The following UBR2 variants were observed in gnomAD, a reference collection of about 807,000 sequenced individuals.
The protein encoded by UBR2 is E3 ubiquitin-protein ligase UBR2.
In UBR2, 92 loss-of-function variants were observed where a neutral mutation model predicts 247.9. The ratio of observed to expected loss-of-function variants is 0.37; its 90% CI spans 0.31 to 0.44. UBR2 has a LOEUF of 0.44. UBR2 is among the 20% of genes least tolerant of loss of function. UBR2 has a pLI of 1.00. For synonymous variants in UBR2, 672 were observed against 693.5 expected (o/e 0.97, Z 0.49); for missense variants, 1,613 against 2,112.6 (o/e 0.76, Z 4.64).
intron 33 of UBR2, 78 bp downstream of exon 33, chr6:42,665,590 T>A: frequency 2.6e-6 from 3 of 1,172,876 alleles, no homozygotes; most frequent in Non-Finnish European, 3.6e-6. Flanking sequence ...AGAAGTTGTT[T>A]AAAAGTGAAA....
At chr6:42,565,007 AGTC>A (rs1384570657) in intron 1 of UBR2, among the ~76,000 whole-genome samples, 1 of 152,166 alleles carries the variant, frequency 6.6e-6, no homozygotes. Context: ...ATGAGAAAGT[AGTC>A]GTGGAGTCTG....
chr6:42,634,063 T>G (rs964758032), intron 13 of UBR2, among the ~76,000 whole-genome samples: 1 of 151,034 alleles, frequency 6.6e-6, no homozygotes, highest in African/African-American at 2.5e-5. Context: ...ACTAATGTTC[T>G]TTCTTTAGAG....
At chr6:42,686,849 G>A (rs1448861628) in intron 44 of UBR2, among the ~76,000 whole-genome samples, 3 of 151,872 alleles carry the variant, frequency 2.0e-5, no homozygotes, top group Non-Finnish European at 2.9e-5. Flanking sequence ...TTCTCAGACG[G>A]GGCAGCCGGT....
In UBR2 at chr6:42,642,447, G is replaced by A. The variant is rs762077600; in HGVS notation, c.2063G>A (p.Arg688His). 18 of 1,610,710 alleles carry A rather than the reference G, an allele frequency of 1.1e-5. No homozygotes were observed. Among genetic ancestry groups the A allele is most frequent in the South Asian group, 3.3e-5 (3 of 90,880 alleles). The change falls in exon 18 of 47, where the codon CGT becomes CAT. Residue 688 changes from arginine to histidine, a missense_variant. This residue lies in a region of UBR2 where 1,524 missense variants were observed against 1,967.3 expected (regional missense o/e 0.77). Coordinates refer to ENST00000372901, the MANE Select transcript of UBR2 (RefSeq NM_001363705.2). ...IYYYHNVKCR[R>H]EMFDKDVVML... is the part of the protein sequence containing the mutation. Reference sequence around the variant, plus strand: ...TACTACCATAATGTGAAATGCAGACGTGAGATGTTTGACAAGGATGTAGTA... The same window carrying A: ...TACTACCATAATGTGAAATGCAGACATGAGATGTTTGACAAGGATGTAGTA...
At chr6:42,686,306 A>G (rs1380352722) in intron 44 of UBR2, among the ~76,000 whole-genome samples, 1 of 151,788 alleles carries the variant, frequency 6.6e-6, no homozygotes, top group African/African-American at 2.4e-5. Flanking sequence ...GCCTTCAAGC[A>G]TCTGTTTAAC....
intron 25 of UBR2, among the ~76,000 whole-genome samples, chr6:42,654,318 A>G (rs192972255): frequency 1.3e-5 from 2 of 152,320 alleles, no homozygotes; most frequent in East Asian, 3.9e-4. Context: ...AACAATATTT[A>G]CCTTACATGT....
rs1444017369 is a variant in UBR2 at position 42,619,424 on chromosome 6, TATATATATATATATATATATATATATA to T, written c.1281+1918_1281+1944del. ...CTCTCGTTATGAACATATATATATA[TATATATATATATATATATATATATATA>T]TATTTTTTTTTTTTAGTTCTCTATC... On this transcript the variant is annotated intron_variant, in intron 11 of 46. Transcript: ENST00000372901. 13 of 13,146 alleles carry T rather than the reference TATATATATATATATATATATATATATA, an allele frequency of 9.9e-4. 2 individuals are homozygous for T. The highest frequency in any genetic ancestry group is 1.8e-3 in the Non-Finnish European group (12 of 6,822). 0.8% of individuals were successfully genotyped at this position (13,146 alleles called of 1,614,324 possible).
intron 1 of UBR2, 51 bp downstream of exon 1, chr6:42,564,448 G>T: frequency 6.3e-7 from 1 of 1,578,166 alleles, no homozygotes; most frequent in Non-Finnish European, 8.6e-7. Context: ...GGCCGCGCCT[G>T]TGGGGAGGAA....
At chr6:42,644,404 T>G in intron 19 of UBR2, 68 bp downstream of exon 19, 1 of 1,606,114 alleles carries the variant, frequency 6.2e-7, no homozygotes, top group Non-Finnish European at 8.5e-7. Flanking sequence ...TTTGGATATG[T>G]TAATCCTCTG....
intron 7 of UBR2, 46 bp downstream of exon 7, chr6:42,606,697 A>C (rs770572161): frequency 2.0e-5 from 29 of 1,472,814 alleles, no homozygotes; most frequent in Non-Finnish European, 2.5e-5. Flanking sequence ...ATTAGTTTAA[A>C]ACTAGCTTCA....
chr6:42,622,322 A>G lies in UBR2; in HGVS notation c.1281+4815A>G, dbSNP rs188873321. On this transcript the variant is annotated intron_variant, in intron 11 of 46. Transcript: ENST00000372901. ...GCGTGAGCCACTGCGCCTGGCCCCC[A>G]TTCTTCTTTTGTTAGATTTATTTCT... Among the ~76,000 whole-genome samples the G allele has an allele frequency of 9.2e-3, 1,351 of 146,330 alleles. 14 individuals carry two copies. Among genetic ancestry groups the G allele is most frequent in the Non-Finnish European group, 0.015 (992 of 66,298 alleles).
rs1463313337 is a variant in UBR2, at chr6:42,637,081, A to G, written c.1745A>G (p.Asp582Gly). The change falls in exon 15 of 47, where the codon GAT becomes GGT. Residue 582 changes from aspartate (D) to glycine (G), a missense_variant. Around this residue, in one of 3 missense-constraint regions of UBR2, gnomAD observed 1,524 missense variants for 1,967.3 expected, o/e 0.77. Coordinates refer to ENST00000372901, the MANE Select transcript of UBR2 (RefSeq NM_001363705.2). Reference protein sequence around the residue: ...VLMQCHGGYTDGEQPITLSIC... With the variant: ...VLMQCHGGYTGGEQPITLSIC... ...ATGCAGTGTCATGGTGGTTATACTG[A>G]TGGTGAACAGCCAATCACACTAAGC... 8.1e-6 allele frequency: 13 copies of G among 1,614,034 alleles called. No individual in the cohort carries two copies. Among genetic ancestry groups the G allele is most frequent in the Non-Finnish European group, 1.1e-5 (13 of 1,180,026 alleles).
chr6:42,566,442 T>C, intron 1 of UBR2, among the ~76,000 whole-genome samples: 1 of 152,224 alleles, frequency 6.6e-6, no homozygotes, highest in Non-Finnish European at 1.5e-5. Context: ...TGGAGTGCAA[T>C]GGCGCAATCT....
intron 42 of UBR2, 35 bp downstream of exon 42, chr6:42,679,867 TAGCTCTA>T (rs765413777): frequency 1.3e-6 from 2 of 1,497,782 alleles, no homozygotes; most frequent in Admixed American, 3.7e-5. Context: ...TTGTATTAAA[TAGCTCTA>T]TGGAACCAAA....
At chr6:42,598,843 A>G (rs1656029088) in intron 4 of UBR2, among the ~76,000 whole-genome samples, 3 of 152,230 alleles carry the variant, frequency 2.0e-5, no homozygotes. Context: ...ATCTATATAT[A>G]GATGTTACCT....
chr6:42,680,980 G>A (rs1338451947), intron 42 of UBR2, among the ~76,000 whole-genome samples: 6 of 152,006 alleles, frequency 3.9e-5, no homozygotes, highest in Admixed American at 1.3e-4. Context: ...TGGCTAACAC[G>A]ATGAAACCCC....
chr6:42,608,330 A>C (rs777696130), intron 7 of UBR2, among the ~76,000 whole-genome samples: 1 of 152,308 alleles, frequency 6.6e-6, no homozygotes, highest in African/African-American at 2.4e-5. Context: ...AAATTTTGCC[A>C]ATCTGGGCCA....
At position 42,676,137 on chromosome 6, in the gene UBR2, T is replaced by C. The variant is rs144563592; in HGVS notation, c.4333T>C (p.Phe1445Leu). 13 of 1,613,696 alleles carry C rather than the reference T, an allele frequency of 8.1e-6. No homozygotes were observed. In the African/African-American group the frequency reaches 1.7e-4, roughly 22 times the overall value. ...ISLGTGDLHI[F>L]HLVTMAHIIQ... is the part of the protein sequence containing the mutation. ...CCTTGGCACTGGAGACCTTCACATTTTCCATCTGGTTACTATGGCACACAT... is the reference window on the plus strand; with the variant it reads ...CCTTGGCACTGGAGACCTTCACATTCTCCATCTGGTTACTATGGCACACAT... The change falls in exon 39 of 47, where the codon TTC (phenylalanine) becomes CTC (leucine). Residue 1445 changes from phenylalanine (F) to leucine (L), a missense_variant. Physicochemically the swap from Phe to Leu is conservative, Grantham distance 22 (BLOSUM62 0). Transcript: ENST00000372901.
intron 8 of UBR2, 30 bp downstream of exon 8, chr6:42,612,321 CTA>C (rs778881528): frequency 1.4e-6 from 2 of 1,470,810 alleles, no homozygotes; most frequent in South Asian, 3.0e-5. Flanking sequence ...TGCCAATTGT[CTA>C]TTAAAAATGA....
Sources: allele counts gnomAD v4.1 joint callset (sites outside exome capture counted in the v4.1 genomes callset), GRCh38; gene constraint gnomAD v4.1.1; regional missense constraint gnomAD v4.1.1; transcripts MANE v1.5; gene names NCBI Gene and HGNC (gene_info 2026-07-23, HGNC 2026-07-21).